VPS13C: variants seen among roughly 807,000 people sequenced by gnomAD.
The protein encoded by VPS13C is vacuolar protein sorting 13 homolog C.
A neutral mutation model predicts 456.8 loss-of-function variants in VPS13C; 358 were observed. The observed-to-expected ratio is 0.78, with a 90% CI of 0.72 to 0.86. The LOEUF (loss-of-function observed/expected upper bound fraction) is 0.86, where lower values mean the gene tolerates loss of function less well. VPS13C is among the 40% of genes least tolerant of loss of function. The probability of loss-of-function intolerance (pLI) is 0.00; values close to 1 mark genes in which losing one functional copy is unlikely to be tolerated. For synonymous variants in VPS13C, 1,578 were observed against 1,486.7 expected, an observed-to-expected ratio of 1.06 and a Z score of -1.41; for missense variants, 4,818 against 4,385.4, an observed-to-expected ratio of 1.10 and a Z score of -2.79.
rs148729733 is a variant in VPS13C at position 61,892,961 on chromosome 15, G to C, written c.9106-2561C>G. 6.9e-3 allele frequency among the ~76,000 whole-genome samples: 1,043 copies of C among 152,176 alleles called. 4 individuals carry two copies. Among genetic ancestry groups the C allele is most frequent in the Non-Finnish European group, 0.012 (791 of 67,996 alleles). ...ACAGAGGAGAAAACAGAATAAAAAA[G>C]AACAAAGAATGCCTGCAAAATATAG... is the stretch of plus-strand genomic sequence containing the variant. On this transcript the variant is annotated intron_variant, in intron 66 of 84. Transcript: ENST00000644861.
chr15:61,928,919 A>T (rs1401073081), intron 51 of VPS13C, among the ~76,000 whole-genome samples: 1 of 151,986 alleles, frequency 6.6e-6, no homozygotes, highest in East Asian at 1.9e-4. Flanking sequence ...AGAAGAGGAG[A>T]GGAGAGAACA....
intron 81 of VPS13C, chr15:61,865,221 A>C: frequency 6.1e-6 from 6 of 984,644 alleles, no homozygotes; most frequent in South Asian, 4.7e-5. Context: ...CAATTTTTTC[A>C]AGTAAATTCT....
chr15:61,954,513 C>T lies in VPS13C; in HGVS notation c.4207G>A (p.Val1403Ile), dbSNP rs1300106750. Residue 1403 changes from valine (V) to isoleucine (I), a missense_variant, in exon 38 of 85, where the codon GTA (valine) becomes ATA (isoleucine). Val to Ile is a conservative substitution (Grantham distance 29, BLOSUM62 3). Transcript: ENST00000644861. Reference sequence around the variant, plus strand: ...GTTAAAGTATTTTTTGAATCATGTACATCTTGTGATATAGAGATTTCAAGG... The same window carrying T: ...GTTAAAGTATTTTTTGAATCATGTATATCTTGTGATATAGAGATTTCAAGG... ...EPLEISISQDVHDSKNTLTTG... is the reference protein window; with the variant it reads ...EPLEISISQDIHDSKNTLTTG... 1.9e-6 allele frequency: 3 copies of T among 1,606,424 alleles called. No individual in the cohort carries two copies. Among genetic ancestry groups the T allele is most frequent in the Non-Finnish European group, 2.5e-6 (3 of 1,176,840 alleles).
intron 15 of VPS13C, among the ~76,000 whole-genome samples, chr15:62,004,316 T>C (rs1437681502): frequency 6.6e-6 from 1 of 152,000 alleles, no homozygotes; most frequent in East Asian, 1.9e-4. Context: ...ATAGAGGTGT[T>C]TGTAGTATTC....
At position 61,977,071 on chromosome 15, in the gene VPS13C, T is replaced by G; in HGVS notation, c.2408+11A>C. On this transcript the variant is annotated intron_variant, in intron 24 of 84. Transcript: ENST00000644861. ...GTTGATTTTCTAATATAAAAGAAGT[T>G]TATACATTACCTGGCCATTCTAATG... The G allele has an allele frequency of 6.4e-7, 1 of 1,559,628 alleles. No individual in the cohort carries two copies. Among genetic ancestry groups the G allele is most frequent in the Non-Finnish European group, 8.8e-7 (1 of 1,140,468 alleles).
intron 66 of VPS13C, among the ~76,000 whole-genome samples, chr15:61,895,719 G>A (rs2042787481): frequency 6.6e-6 from 1 of 152,122 alleles, no homozygotes; most frequent in African/African-American, 2.4e-5. Context: ...GTTAAATACT[G>A]CACATTCTCA....
In VPS13C at chr15:61,920,666, C is replaced by T. The variant is rs113517359; in HGVS notation, c.7063-19G>A. 3,446 of 1,551,412 alleles carry T rather than the reference C, an allele frequency of 2.2e-3. 74 individuals are homozygous for T. In the African/African-American group the frequency reaches 0.043, roughly 19 times the overall value. On this transcript the variant is annotated intron_variant, in intron 55 of 84. Transcript: ENST00000644861. ...TCTTTACCTATGAAGAAAAATAACACAGCAAATTTAAATTATTAGCCAGTT... is the reference window on the plus strand; with the variant it reads ...TCTTTACCTATGAAGAAAAATAACATAGCAAATTTAAATTATTAGCCAGTT...
intron 83 of VPS13C, 118 bp downstream of exon 83, chr15:61,856,168 C>A: frequency 8.3e-7 from 1 of 1,208,484 alleles, no homozygotes; most frequent in Non-Finnish European, 1.1e-6. Flanking sequence ...TCTTTCTTCA[C>A]ATCTCAGCAT....
In VPS13C at chr15:61,854,547, A is replaced by G. The variant is rs113741214; in HGVS notation, c.11172T>C (p.Asn3724=). ...TCGTTGACTGTGCATCCTCAATGGCATTACATGCTCTCTGTAAAGTAAAAT... is the reference window on the plus strand; with the variant it reads ...TCGTTGACTGTGCATCCTCAATGGCGTTACATGCTCTCTGTAAAGTAAAAT... ...KDTATAERAC[N]AIEDAQSTRQ... The change falls in exon 85 of 85, where the codon AAT becomes AAC. Residue 3724 remains asparagine, a synonymous_variant. Transcript: ENST00000644861. 19 of 1,613,944 alleles carry G rather than the reference A, an allele frequency of 1.2e-5. No individual in the cohort carries two copies. The African/African-American group carries it at 2.4e-4, about 20-fold the overall frequency.
chr15:61,967,509 C>T, intron 28 of VPS13C, 62 bp from the exon 29 acceptor site: 2 of 1,312,932 alleles, frequency 1.5e-6, no homozygotes, highest in Non-Finnish European at 2.1e-6. Context: ...TAATTTGAAA[C>T]ATTTTAGATT....
At chr15:62,028,811 A>G (rs1019015781) in intron 5 of VPS13C, among the ~76,000 whole-genome samples, 2 of 151,988 alleles carry the variant, frequency 1.3e-5, no homozygotes, top group Non-Finnish European at 2.9e-5. Flanking sequence ...ATTTGACGCT[A>G]ATTTTAGAGT....
intron 1 of VPS13C, among the ~76,000 whole-genome samples, chr15:62,047,901 T>TA (rs1410780092): frequency 6.6e-6 from 1 of 152,114 alleles, no homozygotes; most frequent in Non-Finnish European, 1.5e-5. Flanking sequence ...TGAATACCGA[T>TA]AAAAAAGATT....
intron 66 of VPS13C, among the ~76,000 whole-genome samples, chr15:61,893,585 T>A (rs1002053875): frequency 6.6e-6 from 1 of 150,796 alleles, no homozygotes; most frequent in African/African-American, 2.4e-5. Flanking sequence ...AAATTGAGAA[T>A]AATCTAACAC....
At chr15:61,864,761 T>C (rs1894427168) in intron 81 of VPS13C, 5 of 985,498 alleles carry the variant, frequency 5.1e-6, no homozygotes, top group Non-Finnish European at 6.0e-6. Context: ...CAATAGCTAC[T>C]TGTTTCACAA....
intron 9 of VPS13C, among the ~76,000 whole-genome samples, chr15:62,014,895 G>A (rs1050306880): frequency 1.3e-5 from 2 of 152,044 alleles, no homozygotes; most frequent in African/African-American, 4.8e-5. Flanking sequence ...AGAAAGAAAG[G>A]TCATATATTA....
chr15:62,060,412 C>A lies in VPS13C; in HGVS notation c.-38G>T, dbSNP rs762017661. The A allele has an allele frequency of 2.5e-5, 29 of 1,138,530 alleles. No homozygotes were observed. Among genetic ancestry groups the A allele is most frequent in the Non-Finnish European group, 3.5e-5 (27 of 779,090 alleles). 70.5% of individuals were successfully genotyped at this position (1,138,530 alleles called of 1,614,324 possible). On this transcript the variant is annotated 5_prime_UTR_variant, in exon 1 of 85. Coordinates refer to ENST00000644861, the MANE Select transcript of VPS13C (RefSeq NM_020821.3). ...GCACAAGGAGAGGGAGGAGCCGGAA[C>A]CGCCCGGCGCAGCTGAGGGCTGCGA...
Position 61,940,785 on chromosome 15 carries a change from C to A in VPS13C, c.5463G>T (p.Leu1821Phe). ...LTQLKLSRTI[L>F]QASLPQNDIE... The stretch of plus-strand genomic sequence containing the variant: ...TGTCATTTTGTGGCAAGCTAGCCTG[C>A]AAAATAGTTCTGAAAGAAAAACAAG... Residue 1821 changes from leucine to phenylalanine, a missense_variant, in exon 47 of 85, where the codon TTG becomes TTT. Physicochemically the swap from Leu to Phe is conservative, Grantham distance 22. This residue lies in a region of VPS13C where 4,552 missense variants were observed against 4,130.6 expected (regional missense o/e 1.10). Coordinates refer to ENST00000644861, the MANE Select transcript of VPS13C (RefSeq NM_020821.3). 2 of 1,605,082 alleles carry A rather than the reference C, an allele frequency of 1.2e-6. No homozygotes were observed. Among genetic ancestry groups the A allele is most frequent in the Non-Finnish European group, 1.7e-6 (2 of 1,176,792 alleles).
intron 16 of VPS13C, among the ~76,000 whole-genome samples, chr15:61,994,883 G>T (rs990540072): frequency 6.6e-6 from 1 of 151,994 alleles, no homozygotes; most frequent in East Asian, 1.9e-4. Flanking sequence ...CCATCACATC[G>T]GCCTCTATTC....
chr15:61,961,467 A>T, intron 35 of VPS13C, 122 bp downstream of exon 35: 2 of 925,020 alleles, frequency 2.2e-6, no homozygotes, highest in Non-Finnish European at 3.1e-6. Flanking sequence ...AATAAAAAAA[A>T]CTGTTCCGTG....
Sources: gnomAD v4.1 joint callset for allele counts (sites outside exome capture counted in the v4.1 genomes callset) on GRCh38, gnomAD v4.1.1 for gene constraint, gnomAD v4.1.1 regional missense constraint, MANE v1.5 for transcripts, NCBI Gene and HGNC (gene_info 2026-07-23, HGNC 2026-07-21) for gene names.